The following ENOX1 variants were observed in gnomAD, a reference collection of about 807,000 sequenced individuals.
The protein encoded by ENOX1 is candidate growth-related and time keeping constitutive hydroquinone (NADH) oxidase.
A neutral mutation model predicts 82.5 loss-of-function variants in ENOX1; 42 were observed. That is an observed-to-expected ratio of 0.51 (90% CI 0.40 to 0.66). The LOEUF (loss-of-function observed/expected upper bound fraction) is 0.66, where lower values mean the gene tolerates loss of function less well. Among genes scored for constraint, ENOX1 ranks in the 30% least tolerant of loss-of-function variants. ENOX1 has a pLI of 0.00. For missense variants in ENOX1, 608 were observed against 811.6 expected, an observed-to-expected ratio of 0.75 and a Z score of 3.05; for synonymous variants, 271 against 282.2, an observed-to-expected ratio of 0.96 and a Z score of 0.40.
At chr13:43,439,624 T>G (rs1427995880) in intron 3 of ENOX1, among the ~76,000 whole-genome samples, 1 of 152,044 alleles carries the variant, frequency 6.6e-6, no homozygotes, top group Non-Finnish European at 1.5e-5. Flanking sequence ...TCTTATATTT[T>G]TTTACATTAT....
intron 11 of ENOX1, among the ~76,000 whole-genome samples, chr13:43,312,945 T>C (rs1206205787): frequency 6.6e-6 from 1 of 152,202 alleles, no homozygotes; most frequent in Non-Finnish European, 1.5e-5. Flanking sequence ...CCAGGCTACC[T>C]TTGCCTCTAA....
intron 1 of ENOX1, among the ~76,000 whole-genome samples, chr13:43,692,850 T>G (rs943112163): frequency 2.6e-5 from 4 of 152,154 alleles, no homozygotes; most frequent in Non-Finnish European, 5.9e-5. Context: ...GGAAGTAGTT[T>G]AAGAGTACAT....
chr13:43,236,664 T>C lies in ENOX1; in HGVS notation c.1686A>G (p.Leu562=). ...TTAGCAGAGCTTCTTTCTCTGATTT[T>C]AAGCCTTGGCTTCTTTTCTCAATAT... The part of the protein sequence containing the change: ...ENNIEKRSQG[L]KSEKEALLIG... Residue 562 remains leucine (L), a synonymous_variant, in exon 15 of 17, where the codon TTA becomes TTG. Coordinates refer to ENST00000690772, the MANE Select transcript of ENOX1 (RefSeq NM_001347969.2). 1 of 1,586,866 alleles carries C rather than the reference T, an allele frequency of 6.3e-7. No individual in the cohort carries two copies. The highest frequency in any genetic ancestry group is 8.5e-7 in the Non-Finnish European group (1 of 1,173,012).
chr13:43,651,151 C>A (rs1205595767), intron 2 of ENOX1, among the ~76,000 whole-genome samples: 4 of 151,882 alleles, frequency 2.6e-5, no homozygotes, highest in Non-Finnish European at 5.9e-5. Context: ...ACAATCAAGC[C>A]TAGGAAAAAT....
intron 2 of ENOX1, among the ~76,000 whole-genome samples, chr13:43,548,867 C>G (rs1400837613): frequency 6.6e-6 from 1 of 152,180 alleles, no homozygotes; most frequent in Non-Finnish European, 1.5e-5. Flanking sequence ...CCTATCAAAA[C>G]TGGGTTCAGA....
intron 3 of ENOX1, among the ~76,000 whole-genome samples, chr13:43,471,715 C>G (rs2025299): frequency 0.63 from 94,814 of 150,794 alleles, 29,777 homozygotes; most frequent in African/African-American, 0.66. Context: ...GAAGCTGAGG[C>G]AGGAGAATGG....
chr13:43,669,339 T>C (rs2085143791), intron 1 of ENOX1, among the ~76,000 whole-genome samples: 1 of 152,186 alleles, frequency 6.6e-6, no homozygotes, highest in African/African-American at 2.4e-5. Context: ...TCCTCCTGAA[T>C]TTAAACAGTT....
intron 2 of ENOX1, among the ~76,000 whole-genome samples, chr13:43,489,682 T>G (rs981106702): frequency 6.6e-5 from 10 of 152,186 alleles, no homozygotes; most frequent in African/African-American, 2.2e-4. Flanking sequence ...CTACAAGGGC[T>G]GAACTCCAGC....
chr13:43,631,640 G>T (rs879717918), intron 2 of ENOX1, among the ~76,000 whole-genome samples: 2 of 152,136 alleles, frequency 1.3e-5, no homozygotes, highest in Non-Finnish European at 2.9e-5. Flanking sequence ...TCCATACCAC[G>T]AGGAAACAGT....
At chr13:43,413,691 ATATATATTTTTATATATT>A (rs954291054) in intron 3 of ENOX1, among the ~76,000 whole-genome samples, 16 of 147,424 alleles carry the variant, frequency 1.1e-4, no homozygotes, top group Non-Finnish European at 2.1e-4. Context: ...GCTTATATAT[ATATATATTTTTATATATT>A]TATATATATT....
intron 2 of ENOX1, among the ~76,000 whole-genome samples, chr13:43,614,379 C>T (rs1051433021): frequency 6.6e-6 from 1 of 152,106 alleles, no homozygotes; most frequent in Non-Finnish European, 1.5e-5. Flanking sequence ...GAAGTTACCC[C>T]TATCTGTGTG....
At chr13:43,401,196 T>C (rs913216409) in intron 5 of ENOX1, among the ~76,000 whole-genome samples, 6 of 152,334 alleles carry the variant, frequency 3.9e-5, no homozygotes, top group Non-Finnish European at 7.3e-5. Context: ...CTTATATCCC[T>C]AGGCAATACA....
At chr13:43,551,248 C>G (rs559762097) in intron 2 of ENOX1, among the ~76,000 whole-genome samples, 1 of 152,268 alleles carries the variant, frequency 6.6e-6, no homozygotes, top group South Asian at 2.1e-4. Context: ...GCAATTAGAT[C>G]AAGTTCAGGG....
rs527388395 is a variant in ENOX1 at position 43,576,672 on chromosome 13, T to C, written c.-219+90807A>G. Among the ~76,000 whole-genome samples the C allele has an allele frequency of 7.2e-5, 11 of 152,272 alleles. No individual in the cohort carries two copies. The East Asian group carries it at 2.1e-3, about 29-fold the overall frequency. On this transcript the variant is annotated intron_variant, in intron 2 of 16. Transcript: ENST00000690772. ...AGCTTTAGTAACAGAAGAGAATAAATTTAGGTTGTCTTAAGACACTAGTCT... is the reference window on the plus strand; with the variant it reads ...AGCTTTAGTAACAGAAGAGAATAAACTTAGGTTGTCTTAAGACACTAGTCT...
chr13:43,441,339 T>C (rs570001324), intron 3 of ENOX1, among the ~76,000 whole-genome samples: 2 of 152,338 alleles, frequency 1.3e-5, no homozygotes, highest in South Asian at 4.1e-4. Flanking sequence ...TCTACTAAGC[T>C]AAATATACAT....
In ENOX1 at chr13:43,214,041, C is replaced by A. The variant is rs7989972; in HGVS notation, c.1881G>T (p.Thr627=). The A allele has an allele frequency of 1.7e-3, 2,774 of 1,613,656 alleles. 45 individuals carry two copies. In the African/African-American group the frequency reaches 0.032, roughly 19 times the overall value. Residue 627 remains threonine, a synonymous_variant, in exon 17 of 17, where the codon ACG becomes ACT. Transcript: ENST00000690772. ...CACACAGCTTCCATCTTTTTTCCAG[C>A]GTGGCTCCCACACCCGTGAATTCCT... The part of the protein sequence containing the change: ...FKQEFTGVGA[T]LEKRWKLCAF...
intron 12 of ENOX1, among the ~76,000 whole-genome samples, chr13:43,283,669 C>A (rs1248136278): frequency 6.7e-6 from 1 of 149,758 alleles, no homozygotes; most frequent in Non-Finnish European, 1.5e-5. Context: ...AGGCTGGTCT[C>A]AAACTCCTGG....
chr13:43,360,386 C>G (rs2050420651), intron 6 of ENOX1, among the ~76,000 whole-genome samples: 1 of 152,110 alleles, frequency 6.6e-6, no homozygotes, highest in Non-Finnish European at 1.5e-5. Flanking sequence ...AAGTACAAAA[C>G]ATGACGAAAT....
chr13:43,233,942 C>T (rs527954411), intron 15 of ENOX1, among the ~76,000 whole-genome samples: 2 of 152,200 alleles, frequency 1.3e-5, no homozygotes, highest in South Asian at 2.1e-4. Context: ...TCCAGATGTA[C>T]CAGAAGGCCA....
Sources: allele counts gnomAD v4.1 joint callset (sites outside exome capture counted in the v4.1 genomes callset), GRCh38; gene constraint gnomAD v4.1.1; transcripts MANE v1.5; gene names NCBI Gene and HGNC (gene_info 2026-07-23, HGNC 2026-07-21).